The following TSHZ2 variants were observed in gnomAD, a reference collection of about 807,000 sequenced individuals.
The protein encoded by TSHZ2 is teashirt zinc finger homeobox 2, also known as teashirt homolog 2.
TSHZ2 carries 21 observed loss-of-function variants against 74.4 expected under a neutral mutation model. The observed-to-expected ratio is 0.28, with a 90% CI of 0.20 to 0.41. The LOEUF is 0.41. TSHZ2 is among the 10% of genes least tolerant of loss of function. The pLI is 1.00. For synonymous variants in TSHZ2, 540 were observed against 515.3 expected, an observed-to-expected ratio of 1.05 and a Z score of -0.65; for missense variants, 1,244 against 1,293.5, an observed-to-expected ratio of 0.96 and a Z score of 0.59.
chr20:53,403,159 T>C (rs1982729362), intron 2 of TSHZ2, among the ~76,000 whole-genome samples: 1 of 152,148 alleles, frequency 6.6e-6, no homozygotes, highest in Admixed American at 6.5e-5. Flanking sequence ...TAGGATTTGG[T>C]TTTCCATTCC....
intron 1 of TSHZ2, among the ~76,000 whole-genome samples, chr20:53,184,361 C>T (rs1988551830): frequency 6.6e-6 from 1 of 152,156 alleles, no homozygotes; most frequent in African/African-American, 2.4e-5. Flanking sequence ...ATGCATTTGA[C>T]TGACTTTTTC....
Position 53,294,739 on chromosome 20 carries a change from G to T in TSHZ2, c.*8+38168G>T, listed in dbSNP as rs1024033097. On this transcript the variant is annotated intron_variant, in intron 2 of 2. Coordinates refer to ENST00000371497, the MANE Select transcript of TSHZ2 (RefSeq NM_173485.6). ...ATCAAGAGGTTCTGAGAGTCTTTGG[G>T]TTTAAGTCTTTCTGATCTTTTACTC... Among the ~76,000 whole-genome samples, 14 of 152,258 alleles carry T rather than the reference G, an allele frequency of 9.2e-5. 2 individuals are homozygous for T. The highest frequency in any genetic ancestry group is 7.8e-4 in the Admixed American group (12 of 15,296).
intron 1 of TSHZ2, among the ~76,000 whole-genome samples, chr20:53,085,979 T>G (rs1985687574): frequency 1.3e-5 from 2 of 152,158 alleles, no homozygotes; most frequent in South Asian, 4.2e-4. Context: ...CTAGGGTTAT[T>G]GTGCATGTGG....
chr20:53,057,878 A>G (rs1450710212), intron 1 of TSHZ2, among the ~76,000 whole-genome samples: 1 of 152,192 alleles, frequency 6.6e-6, no homozygotes, highest in Non-Finnish European at 1.5e-5. Flanking sequence ...ACATGGACAG[A>G]AATGGGGTCA....
chr20:53,208,189 A>T (rs1005843975), intron 1 of TSHZ2, among the ~76,000 whole-genome samples: 1 of 152,214 alleles, frequency 6.6e-6, no homozygotes, highest in Non-Finnish European at 1.5e-5. Context: ...AGCCTCTAGC[A>T]TAAGTAATAA....
At chr20:53,090,162 G>C (rs969577309) in intron 1 of TSHZ2, among the ~76,000 whole-genome samples, 1 of 152,152 alleles carries the variant, frequency 6.6e-6, no homozygotes, top group Non-Finnish European at 1.5e-5. Flanking sequence ...AAAGATGAAG[G>C]CCAGAGGACT....
chr20:53,321,460 C>T (rs917237749), intron 2 of TSHZ2, among the ~76,000 whole-genome samples: 1 of 151,666 alleles, frequency 6.6e-6, no homozygotes, highest in Non-Finnish European at 1.5e-5. Flanking sequence ...CCGAAGCAGG[C>T]GGATCACGAG....
intron 1 of TSHZ2, among the ~76,000 whole-genome samples, chr20:53,068,454 C>A (rs1372030063): frequency 6.6e-6 from 1 of 152,114 alleles, no homozygotes. Context: ...ATGCATTCTT[C>A]CTGAATTGTC....
intron 1 of TSHZ2, among the ~76,000 whole-genome samples, chr20:53,149,974 T>C (rs1320137310): frequency 1.3e-5 from 2 of 152,224 alleles, no homozygotes; most frequent in Non-Finnish European, 2.9e-5. Flanking sequence ...AAAGGGGAAG[T>C]GTTCCTTATT....
intron 1 of TSHZ2, among the ~76,000 whole-genome samples, chr20:53,029,673 C>T (rs542611519): frequency 2.0e-5 from 3 of 152,270 alleles, no homozygotes; most frequent in African/African-American, 7.2e-5. Flanking sequence ...GAGAATCTGT[C>T]TCAAAAAATT....
chr20:53,256,575 T>C lies in TSHZ2; in HGVS notation c.*8+4T>C, dbSNP rs1318028905. The C allele has an allele frequency of 6.4e-7, 1 of 1,566,514 alleles. No homozygotes were observed. Among genetic ancestry groups the C allele is most frequent in the African/African-American group, 1.3e-5 (1 of 74,142 alleles). ...TGGATGAAGAATAGCTCTGCAGGTA[T>C]GGGTTTGCTCTGAGGCATTGCGATT... On this transcript the variant is annotated splice_donor_region_variant and intron_variant, in intron 2 of 2. Coordinates refer to ENST00000371497, the MANE Select transcript of TSHZ2 (RefSeq NM_173485.6). This position sits in a 1 kb window ranked among gnomAD's most constrained non-coding sequence, Gnocchi z 4.3.
chr20:53,463,011 C>T (rs1409594011), intron 2 of TSHZ2, among the ~76,000 whole-genome samples: 5 of 152,138 alleles, frequency 3.3e-5, no homozygotes, highest in Non-Finnish European at 1.5e-5. Flanking sequence ...TCACACAATG[C>T]CTGGTATAAG....
intron 1 of TSHZ2, among the ~76,000 whole-genome samples, chr20:53,099,518 T>C (rs1431288807): frequency 6.6e-6 from 1 of 152,238 alleles, no homozygotes; most frequent in Non-Finnish European, 1.5e-5. Flanking sequence ...CACATTTTTG[T>C]TTACTTATTG....
intron 1 of TSHZ2, among the ~76,000 whole-genome samples, chr20:53,045,417 T>C (rs914500345): frequency 6.6e-6 from 1 of 151,758 alleles, no homozygotes; most frequent in African/African-American, 2.4e-5. Flanking sequence ...GGTGTAAACA[T>C]CATGTGCACA....
intron 2 of TSHZ2, among the ~76,000 whole-genome samples, chr20:53,311,047 G>C (rs1978763830): frequency 6.6e-6 from 1 of 152,222 alleles, no homozygotes; most frequent in East Asian, 1.9e-4. Context: ...ATTGTGCTGA[G>C]ATGATCATCT....
chr20:53,398,994 CA>C (rs1982557679), intron 2 of TSHZ2: 1 of 152,178 alleles, frequency 6.6e-6, no homozygotes, highest in African/African-American at 2.4e-5. Flanking sequence ...GTGTTCATTA[CA>C]ATAAGACTGT....
At chr20:53,395,046 G>A (rs368238638) in intron 2 of TSHZ2, among the ~76,000 whole-genome samples, 7 of 152,144 alleles carry the variant, frequency 4.6e-5, no homozygotes, top group East Asian at 3.9e-4. Context: ...TTCAGCATGC[G>A]GGGAAGGTAG....
chr20:53,436,803 G>A (rs1057278153), intron 2 of TSHZ2, among the ~76,000 whole-genome samples: 11 of 151,356 alleles, frequency 7.3e-5, no homozygotes, highest in South Asian at 2.1e-4. Flanking sequence ...CACCTGCCTC[G>A]GCCTCCCAAG....
chr20:53,348,988 A>C (rs1194869070), intron 2 of TSHZ2, among the ~76,000 whole-genome samples: 1 of 152,228 alleles, frequency 6.6e-6, no homozygotes, highest in Non-Finnish European at 1.5e-5. Flanking sequence ...TTAACTCGGC[A>C]AAATGACCTG....
Sources: allele counts gnomAD v4.1 joint callset (sites outside exome capture counted in the v4.1 genomes callset), GRCh38; gene constraint gnomAD v4.1.1; non-coding constraint Gnocchi (gnomAD v3.1); transcripts MANE v1.5; gene names NCBI Gene and HGNC (gene_info 2026-07-23, HGNC 2026-07-21).